The following NCAN variants were observed in gnomAD, a reference collection of about 807,000 sequenced individuals.
NCAN encodes neurocan, also known as neurocan core protein.
Under a neutral mutation model 121.8 loss-of-function variants are expected in NCAN, and 47 were observed. That is an observed-to-expected ratio of 0.39 (90% CI 0.31 to 0.49). The LOEUF is 0.49. NCAN is among the 20% of genes least tolerant of loss of function. The pLI is 0.92. For synonymous variants in NCAN, 633 were observed against 702.0 expected (o/e 0.90, Z 1.55); for missense variants, 1,517 against 1,773.4 (o/e 0.86, Z 2.60).
rs147456869 is a variant in NCAN, at chr19:19,238,871, A to G, written c.3409+460A>G. ...GGGAGAAGCACCTGTAATGTGTTCA[A>G]AGACCTAGGAGAGAGACAAGTGTTC... On this transcript the variant is annotated intron_variant, in intron 11 of 14. Transcript: ENST00000252575. 5.5e-4 allele frequency: 137 copies of G among 249,624 alleles called. 1 individual carries two copies. In the East Asian group the frequency reaches 9.4e-3, roughly 17 times the overall value. 15.5% of individuals were successfully genotyped at this position (249,624 alleles called of 1,614,324 possible). A position where few individuals can be genotyped will look rare whatever the true frequency, so the allele number is the denominator to read the frequency against.
intron 13 of NCAN, 85 bp downstream of exon 13, chr19:19,245,542 A>T: frequency 6.8e-7 from 1 of 1,465,990 alleles, no homozygotes; most frequent in African/African-American, 1.4e-5. Flanking sequence ...CAGTGGCATA[A>T]TCATGGCTCA....
chr19:19,238,614 A>T, intron 11 of NCAN: 1 of 626,522 alleles, frequency 1.6e-6, no homozygotes, highest in Middle Eastern at 4.4e-4. Flanking sequence ...CACTTCATTC[A>T]TTCATTCACC....
At chr19:19,246,268 C>T (rs1011485521) in intron 13 of NCAN, among the ~76,000 whole-genome samples, 21 of 151,894 alleles carry the variant, frequency 1.4e-4, no homozygotes, top group African/African-American at 4.8e-4. Context: ...GAACTCCTGA[C>T]CTCAGGTGAT....
At chr19:19,220,582 T>C (rs902316419) in intron 3 of NCAN, among the ~76,000 whole-genome samples, 2 of 149,552 alleles carry the variant, frequency 1.3e-5, no homozygotes, top group African/African-American at 2.5e-5. Flanking sequence ...CTCAGCCTCC[T>C]GAGTAGCTGG....
chr19:19,218,195 T>C (rs1244770134), intron 2 of NCAN, among the ~76,000 whole-genome samples: 1 of 151,766 alleles, frequency 6.6e-6, no homozygotes, highest in Non-Finnish European at 1.5e-5. Flanking sequence ...GGAGAATTGC[T>C]TGAACTTAGG....
Position 19,234,964 on chromosome 19 carries a change from C to G in NCAN, c.3137-19C>G. 1 of 1,551,930 alleles carries G rather than the reference C, an allele frequency of 6.4e-7. No individual in the cohort carries two copies. The highest frequency in any genetic ancestry group is 2.3e-5 in the East Asian group (1 of 44,306). ...AGGGGAAGCTGACCTCTAACTCAGT[C>G]TCTTCCCCTCTCTGCCAGACATTGA... is the stretch of plus-strand genomic sequence containing the variant. On this transcript the variant is annotated intron_variant, in intron 9 of 14. Transcript: ENST00000252575.
chr19:19,238,190 C>G (rs750992104), intron 10 of NCAN, 63 bp from the exon 11 acceptor site: 1 of 1,605,566 alleles, frequency 6.2e-7, no homozygotes, highest in Non-Finnish European at 8.5e-7. Flanking sequence ...GCTGGCTGTG[C>G]TCATGGCTGG....
At chr19:19,247,543 G>A (rs1407086784) in intron 13 of NCAN, among the ~76,000 whole-genome samples, 6 of 151,782 alleles carry the variant, frequency 4.0e-5, no homozygotes, top group Non-Finnish European at 8.8e-5. Flanking sequence ...GTGAGCCACC[G>A]CACCCGGCCC....
intron 12 of NCAN, among the ~76,000 whole-genome samples, chr19:19,243,744 T>C (rs559446681): frequency 4.3e-4 from 65 of 151,822 alleles, no homozygotes; most frequent in African/African-American, 1.5e-3. Context: ...ATGGTTAAAA[T>C]TGGCCAGGTG....
At position 19,226,799 on chromosome 19, in the gene NCAN, T is replaced by G; in HGVS notation, c.1386T>G (p.Thr462=). Residue 462 remains threonine (T), a synonymous_variant, in exon 7 of 15, where the codon ACT becomes ACG. Coordinates refer to ENST00000252575, the MANE Select transcript of NCAN (RefSeq NM_004386.3). ...APSPSDMGAG[T]AASSHTEVAP... Reference sequence around the variant, plus strand: ...GCCCTAGCGACATGGGGGCAGGCACTGCAGCAAGTTCACACACGGAGGTGG... The same window carrying G: ...GCCCTAGCGACATGGGGGCAGGCACGGCAGCAAGTTCACACACGGAGGTGG... 6.2e-7 allele frequency: 1 copy of G among 1,613,380 alleles called. No individual in the cohort carries two copies. The highest frequency in any genetic ancestry group is 8.5e-7 in the Non-Finnish European group (1 of 1,179,980).
rs536117634 is a variant in NCAN at position 19,230,201 on chromosome 19, C to A, written c.3019+1562C>A. Reference sequence around the variant, plus strand: ...CTGGGATTACAGGCTCCCGCCACCACGCCTGGCTAATTTTTGTATTTTTAG... The same window carrying A: ...CTGGGATTACAGGCTCCCGCCACCAAGCCTGGCTAATTTTTGTATTTTTAG... On this transcript the variant is annotated intron_variant, in intron 8 of 14. Transcript: ENST00000252575. 4.2e-4 allele frequency among the ~76,000 whole-genome samples: 63 copies of A among 151,722 alleles called. 1 individual carries two copies. The highest frequency in any genetic ancestry group is 7.1e-4 in the Non-Finnish European group (48 of 67,932).
intron 12 of NCAN, among the ~76,000 whole-genome samples, chr19:19,241,258 CAAA>C (rs55876064): frequency 7.5e-6 from 1 of 132,456 alleles, no homozygotes; most frequent in Non-Finnish European, 1.6e-5. Flanking sequence ...GATCCTGTCT[CAAA>C]AAAAAAAAAA....
chr19:19,243,953 A>G (rs1029425766), intron 12 of NCAN, among the ~76,000 whole-genome samples: 4 of 151,844 alleles, frequency 2.6e-5, no homozygotes, highest in African/African-American at 9.7e-5. Context: ...TTGAACCGGG[A>G]CCTGGGAGGC....
chr19:19,234,988 G>A lies in NCAN; in HGVS notation c.3142G>A (p.Asp1048Asn). Residue 1048 changes from aspartate to asparagine, a missense_variant, in exon 10 of 15, where the codon GAT (aspartate) becomes AAT (asparagine). By Grantham distance (23) the Asp-to-Asn change is conservative (BLOSUM62 1). Coordinates refer to ENST00000252575, the MANE Select transcript of NCAN (RefSeq NM_004386.3). ...TCTCTTCCCCTCTCTGCCAGACATT[G>A]ATGACTGCCTCTGCAGCCCCTGTGA... ...FAGENCEIDI[D>N]DCLCSPCENG... 1 of 1,608,874 alleles carries A rather than the reference G, an allele frequency of 6.2e-7. No individual in the cohort carries two copies. The highest frequency in any genetic ancestry group is 8.5e-7 in the Non-Finnish European group (1 of 1,176,036).
chr19:19,232,814 TACAG>T (rs2060865623), intron 8 of NCAN: 1 of 152,146 alleles, frequency 6.6e-6, no homozygotes, highest in Non-Finnish European at 1.5e-5. Context: ...TAGGGAAAGA[TACAG>T]ACAAGAAACG....
chr19:19,237,291 A>T (rs1008247767), intron 10 of NCAN, among the ~76,000 whole-genome samples: 5 of 152,030 alleles, frequency 3.3e-5, no homozygotes, highest in Non-Finnish European at 7.4e-5. Flanking sequence ...GGAGATCAAG[A>T]CCATCCTGGC....
chr19:19,230,116 C>T (rs142137115), intron 8 of NCAN, among the ~76,000 whole-genome samples: 3 of 150,166 alleles, frequency 2.0e-5, no homozygotes, highest in African/African-American at 7.4e-5. Flanking sequence ...GTGATCTCGG[C>T]GCACTGCAAC....
chr19:19,249,553 G>C (rs188858700), intron 14 of NCAN, among the ~76,000 whole-genome samples: 43 of 152,166 alleles, frequency 2.8e-4, no homozygotes, highest in Non-Finnish European at 5.7e-4. Flanking sequence ...TTTTTGTAGA[G>C]ATAGGTTCTC....
intron 3 of NCAN, among the ~76,000 whole-genome samples, chr19:19,223,476 T>C (rs968806975): frequency 6.6e-6 from 1 of 152,132 alleles, no homozygotes; most frequent in Non-Finnish European, 1.5e-5. Context: ...TTTTTTTTAA[T>C]GTTTTAGTTT....
Sources: gnomAD v4.1 joint callset for allele counts (sites outside exome capture counted in the v4.1 genomes callset) on GRCh38, gnomAD v4.1.1 for gene constraint, MANE v1.5 for transcripts, NCBI Gene and HGNC (gene_info 2026-07-23, HGNC 2026-07-21) for gene names.